BFSP1: variants seen among roughly 807,000 people sequenced by gnomAD.
The protein encoded by BFSP1 is beaded filament structural protein 1.
Under a neutral mutation model 43.9 loss-of-function variants are expected in BFSP1, and 38 were observed. The observed-to-expected ratio is 0.87, with a 90% CI of 0.67 to 1.14. BFSP1 has a LOEUF of 1.14. Ranked by LOEUF, BFSP1 falls within the 50% of genes most tolerant of loss-of-function variation. BFSP1 has a pLI of 0.00. For missense variants in BFSP1, 850 were observed against 875.1 expected, an observed-to-expected ratio of 0.97 and a Z score of 0.36; for synonymous variants, 352 against 354.8, an observed-to-expected ratio of 0.99 and a Z score of 0.09.
intron 1 of BFSP1, chr20:17,569,048 G>A (rs1025105500): frequency 2.6e-5 from 4 of 152,166 alleles, no homozygotes; most frequent in Non-Finnish European, 4.4e-5. Context: ...GGAGAACTGA[G>A]CGGCGGGGCT....
chr20:17,544,333 C>T (rs567335606), intron 1 of BFSP1, among the ~76,000 whole-genome samples: 2 of 152,314 alleles, frequency 1.3e-5, no homozygotes, highest in South Asian at 2.1e-4. Context: ...GCCCCAACTC[C>T]CAATTGTGCA....
chr20:17,554,077 A>G (rs2034951757), intron 1 of BFSP1, among the ~76,000 whole-genome samples: 1 of 151,716 alleles, frequency 6.6e-6, no homozygotes, highest in African/African-American at 2.4e-5. Flanking sequence ...TTTTCTAGAA[A>G]AAAAGACAAA....
intron 5 of BFSP1, among the ~76,000 whole-genome samples, chr20:17,501,008 C>T (rs902127737): frequency 6.6e-6 from 1 of 152,126 alleles, no homozygotes; most frequent in South Asian, 2.1e-4. Flanking sequence ...GATGGGGGGC[C>T]GGAGACTCCG....
At chr20:17,552,161 C>T (rs2034905647) in intron 1 of BFSP1, among the ~76,000 whole-genome samples, 1 of 152,040 alleles carries the variant, frequency 6.6e-6, no homozygotes, top group African/African-American at 2.4e-5. Context: ...GATGGTGGGG[C>T]ATCTGGTAAT....
chr20:17,517,338 TAACA>T lies in BFSP1; in HGVS notation c.439-2526_439-2523del, dbSNP rs200693644. The T allele has an allele frequency of 7.4e-3, 7,775 of 1,047,942 alleles. 271 individuals carry two copies. Among genetic ancestry groups the T allele is most frequent in the South Asian group, 0.057 (4,497 of 78,424 alleles). The allele number at this position is 1,047,942 out of a possible 1,614,324, so 64.9% of individuals were successfully genotyped here. A position where few individuals can be genotyped will look rare whatever the true frequency, so the allele number is the denominator to read the frequency against. Reference sequence around the variant, plus strand: ...GTATGAGTTAATAAAAGACATGAACTAACAAACAAAACAAAACAAACAAACAAAC... The same window carrying T: ...GTATGAGTTAATAAAAGACATGAACTAACAAAACAAAACAAACAAACAAAC... On this transcript the variant is annotated intron_variant, in intron 2 of 7. Coordinates refer to ENST00000377873, the MANE Select transcript of BFSP1 (RefSeq NM_001195.5).
chr20:17,514,563 G>A (rs2034156859), intron 3 of BFSP1, among the ~76,000 whole-genome samples, 158 bp downstream of exon 3: 2 of 152,126 alleles, frequency 1.3e-5, no homozygotes, highest in South Asian at 4.1e-4. Context: ...AGCTCAGTAA[G>A]CACTGTCCAG....
At chr20:17,496,888 G>T (rs1242335325) in intron 7 of BFSP1, 50 bp downstream of exon 7, 2 of 1,430,450 alleles carry the variant, frequency 1.4e-6, no homozygotes, top group Non-Finnish European at 1.9e-6. Flanking sequence ...GAGCCGCTTG[G>T]TTTTTTTCAA....
intron 1 of BFSP1, among the ~76,000 whole-genome samples, chr20:17,530,319 G>C (rs2034506882): frequency 2.0e-5 from 3 of 152,252 alleles, no homozygotes; most frequent in Non-Finnish European, 4.4e-5. Flanking sequence ...GCCAGCTGAG[G>C]GGCCTTGCTG....
intron 2 of BFSP1, among the ~76,000 whole-genome samples, chr20:17,515,631 C>T (rs2123496143): frequency 6.6e-6 from 1 of 152,298 alleles, no homozygotes; most frequent in East Asian, 1.9e-4. Context: ...AAGAATTATT[C>T]ATGCTCTTAA....
intron 1 of BFSP1, among the ~76,000 whole-genome samples, chr20:17,527,219 T>C (rs2034440085): frequency 6.6e-6 from 1 of 152,250 alleles, no homozygotes; most frequent in South Asian, 2.1e-4. Flanking sequence ...TAGTAGTTTA[T>C]TTTGTGTGTT....
chr20:17,532,353 C>T (rs975852718), upstream of BFSP1, among the ~76,000 whole-genome samples: 1 of 147,086 alleles, frequency 6.8e-6, no homozygotes, highest in African/African-American at 2.6e-5. Context: ...TGCAGTGAGC[C>T]GAGATCGCCC....
intron 1 of BFSP1, among the ~76,000 whole-genome samples, chr20:17,528,783 CAATA>C (rs1490050651): frequency 4.6e-5 from 7 of 152,144 alleles, no homozygotes; most frequent in Non-Finnish European, 1.0e-4. Flanking sequence ...GGAATCGAAT[CAATA>C]AATGTGATTT....
intron 5 of BFSP1, among the ~76,000 whole-genome samples, chr20:17,508,070 G>T (rs1367073438): frequency 6.6e-6 from 1 of 152,152 alleles, no homozygotes; most frequent in Admixed American, 6.5e-5. Context: ...TGAAGTGTCC[G>T]ATTTTTACAC....
chr20:17,533,311 A>G (rs567476047), upstream of BFSP1, among the ~76,000 whole-genome samples: 54 of 152,380 alleles, frequency 3.5e-4, 1 homozygote, highest in South Asian at 0.011. Flanking sequence ...TGGTAAATTG[A>G]CTTCAGGCTT....
intron 1 of BFSP1, among the ~76,000 whole-genome samples, chr20:17,568,091 G>A (rs778404762): frequency 2.6e-5 from 4 of 152,126 alleles, no homozygotes; most frequent in Non-Finnish European, 4.4e-5. Context: ...CTAGTAAGAG[G>A]TGTTCTGGAA....
chr20:17,518,676 G>A (rs2034254841), intron 2 of BFSP1, among the ~76,000 whole-genome samples: 1 of 152,188 alleles, frequency 6.6e-6, no homozygotes, highest in Non-Finnish European at 1.5e-5. Context: ...AACAGAAAAG[G>A]GTGGAGGATT....
chr20:17,494,169 T>C lies in BFSP1; in HGVS notation c.1903A>G (p.Ser635Gly). Residue 635 changes from serine to glycine, a missense_variant, in exon 8 of 8, where the codon AGC becomes GGC. Physicochemically the swap from Ser to Gly is moderately conservative, Grantham distance 56. Coordinates refer to ENST00000377873, the MANE Select transcript of BFSP1 (RefSeq NM_001195.5). The part of the protein sequence containing the change: ...VESIEKISTE[S>G]IQTYEETAVI... The stretch of plus-strand genomic sequence containing the variant: ...GCGGTTTCTTCATATGTCTGAATGC[T>C]CTCCGTGGAAATCTTCTCGATAGAT... The C allele has an allele frequency of 6.2e-7, 1 of 1,614,184 alleles. No individual in the cohort carries two copies. Among genetic ancestry groups the C allele is most frequent in the African/African-American group, 1.3e-5 (1 of 75,066 alleles).
chr20:17,513,390 T>A (rs569108140), intron 3 of BFSP1, among the ~76,000 whole-genome samples: 1 of 152,174 alleles, frequency 6.6e-6, no homozygotes, highest in Non-Finnish European at 1.5e-5. Context: ...TGAGCGATCA[T>A]CATCACCGTC....
intron 2 of BFSP1, 118 bp downstream of exon 2, chr20:17,524,730 C>T (rs1467859807): frequency 2.5e-5 from 28 of 1,111,616 alleles, no homozygotes; most frequent in Non-Finnish European, 3.5e-5. Flanking sequence ...AGAGTGACTG[C>T]AAAAGAAGTA....
Sources: allele counts gnomAD v4.1 joint callset (sites outside exome capture counted in the v4.1 genomes callset), GRCh38; gene constraint gnomAD v4.1.1; transcripts MANE v1.5; gene names NCBI Gene and HGNC (gene_info 2026-07-23, HGNC 2026-07-21).